RASA2: variants seen among roughly 807,000 people sequenced by gnomAD.
RASA2 encodes ras GTPase-activating protein 2.
In RASA2, 155 loss-of-function variants were observed where a neutral mutation model predicts 118.2. The ratio of observed to expected loss-of-function variants is 1.31; its 90% CI spans 1.15 to 1.50. RASA2 has a LOEUF of 1.50. RASA2 is among the 40% of genes most tolerant of loss of function. The pLI is 0.00. For missense variants in RASA2, 1,016 were observed against 1,009.6 expected, an observed-to-expected ratio of 1.01 and a Z score of -0.09; for synonymous variants, 353 against 349.1, an observed-to-expected ratio of 1.01 and a Z score of -0.12.
At chr3:141,554,098 T>C (rs1280634449) in intron 6 of RASA2, among the ~76,000 whole-genome samples, 158 bp downstream of exon 6, 5 of 152,200 alleles carry the variant, frequency 3.3e-5, no homozygotes, top group African/African-American at 7.2e-5. Flanking sequence ...ATTATACACT[T>C]GTCAATAACA....
At chr3:141,560,068 C>G in intron 9 of RASA2, 73 bp downstream of exon 9, 2 of 1,169,622 alleles carry the variant, frequency 1.7e-6, no homozygotes, top group Non-Finnish European at 2.4e-6. Context: ...CAAATAAATG[C>G]TTACTCTGAA....
At chr3:141,539,233 T>C (rs1031114885) in intron 4 of RASA2, among the ~76,000 whole-genome samples, 2 of 152,220 alleles carry the variant, frequency 1.3e-5, no homozygotes, top group Admixed American at 6.5e-5. Flanking sequence ...TTACAAATTA[T>C]ATATGATTTT....
intron 5 of RASA2, among the ~76,000 whole-genome samples, chr3:141,546,056 A>G (rs997560061): frequency 2.6e-5 from 4 of 152,102 alleles, no homozygotes; most frequent in African/African-American, 9.7e-5. Flanking sequence ...TGTGACTGAA[A>G]AGTACTCCAT....
At chr3:141,505,770 G>C (rs2081856269) in intron 1 of RASA2, among the ~76,000 whole-genome samples, 1 of 137,630 alleles carries the variant, frequency 7.3e-6, no homozygotes, top group African/African-American at 2.6e-5. Context: ...ACGTGTCTCT[G>C]TGTTTGTGTG....
Position 141,559,923 on chromosome 3 carries a change from T to G in RASA2, c.791T>G (p.Val264Gly). Residue 264 changes from valine to glycine, a missense_variant, in exon 9 of 24, where the codon GTC becomes GGC. By Grantham distance (109) the Val-to-Gly change is moderately radical (BLOSUM62 -3). Coordinates refer to ENST00000286364, the MANE Select transcript of RASA2 (RefSeq NM_006506.5). ...GACTTGTGGAACAATGGAAACCTAG[T>G]CCAAGATGTTTTCCTAGGTGAGATT... is the stretch of plus-strand genomic sequence containing the variant. ...RIDLWNNGNLVQDVFLGEIKV... is the reference protein window; with the variant it reads ...RIDLWNNGNLGQDVFLGEIKV... 1 of 1,613,304 alleles carries G rather than the reference T, an allele frequency of 6.2e-7. No homozygotes were observed. Among genetic ancestry groups the G allele is most frequent in the Non-Finnish European group, 8.5e-7 (1 of 1,179,432 alleles).
At chr3:141,519,327 A>G (rs1044140138) in intron 3 of RASA2, among the ~76,000 whole-genome samples, 2 of 152,132 alleles carry the variant, frequency 1.3e-5, no homozygotes, top group Non-Finnish European at 2.9e-5. Flanking sequence ...ACACATTATT[A>G]TTTTAATGTG....
At chr3:141,513,899 T>C (rs1398553099) in intron 2 of RASA2, among the ~76,000 whole-genome samples, 2 of 151,818 alleles carry the variant, frequency 1.3e-5, no homozygotes, top group African/African-American at 2.4e-5. Flanking sequence ...AAAGAAACTA[T>C]CATTTCAGAG....
At position 141,487,227 on chromosome 3, in the gene RASA2, G is replaced by T; in HGVS notation, c.133+11G>T. Reference sequence around the variant, plus strand: ...TGCGGGGCAAGATCTGTAAGCGGGGGCTGGGCTGAGGGGACGCCCTGGCGG... The same window carrying T: ...TGCGGGGCAAGATCTGTAAGCGGGGTCTGGGCTGAGGGGACGCCCTGGCGG... On this transcript the variant is annotated intron_variant, in intron 1 of 23. Coordinates refer to ENST00000286364, the MANE Select transcript of RASA2 (RefSeq NM_006506.5). 2.2e-6 allele frequency: 3 copies of T among 1,387,442 alleles called. No homozygotes were observed. The highest frequency in any genetic ancestry group is 3.0e-5 in the East Asian group (1 of 32,960). 85.9% of individuals were successfully genotyped at this position (1,387,442 alleles called of 1,614,324 possible).
Position 141,573,926 on chromosome 3 carries a change from C to T in RASA2, c.1360-18C>T. ...GTGAACATCAAAATCTTAATGTTTACCTTTTTAAATCCTGCAGGAGAATCT... is the reference window on the plus strand; with the variant it reads ...GTGAACATCAAAATCTTAATGTTTATCTTTTTAAATCCTGCAGGAGAATCT... On this transcript the variant is annotated intron_variant, in intron 13 of 23. Coordinates refer to ENST00000286364, the MANE Select transcript of RASA2 (RefSeq NM_006506.5). 6.4e-7 allele frequency: 1 copy of T among 1,557,508 alleles called. No homozygotes were observed. The highest frequency in any genetic ancestry group is 8.7e-7 in the Non-Finnish European group (1 of 1,150,228).
intron 19 of RASA2, among the ~76,000 whole-genome samples, chr3:141,590,899 C>T (rs1440014230): frequency 6.6e-6 from 1 of 152,152 alleles, no homozygotes; most frequent in African/African-American, 2.4e-5. Context: ...ATTTTTGAGG[C>T]CCCTTTAGGC....
chr3:141,535,457 AG>A (rs1299448958), intron 4 of RASA2, among the ~76,000 whole-genome samples: 1 of 152,216 alleles, frequency 6.6e-6, no homozygotes, highest in Non-Finnish European at 1.5e-5. Context: ...TTTAGACTTG[AG>A]AGGATTTTAA....
chr3:141,522,399 T>C (rs1335444118), intron 3 of RASA2, among the ~76,000 whole-genome samples: 1 of 152,116 alleles, frequency 6.6e-6, no homozygotes, highest in African/African-American at 2.4e-5. Flanking sequence ...CCTGAGCATT[T>C]TCCATATAGA....
chr3:141,611,939 C>T (rs1019090538), intron 23 of RASA2, among the ~76,000 whole-genome samples: 4 of 152,136 alleles, frequency 2.6e-5, no homozygotes, highest in Non-Finnish European at 5.9e-5. Context: ...CACTCATACC[C>T]ATACACACCA....
intron 9 of RASA2, among the ~76,000 whole-genome samples, chr3:141,569,969 C>A (rs2151128346): frequency 6.6e-6 from 1 of 152,044 alleles, no homozygotes; most frequent in South Asian, 2.1e-4. Context: ...TAATTTTTTT[C>A]TTTCTGTGAC....
At chr3:141,569,753 C>T (rs1443357718) in intron 9 of RASA2, among the ~76,000 whole-genome samples, 4 of 151,972 alleles carry the variant, frequency 2.6e-5, no homozygotes, top group South Asian at 2.1e-4. Flanking sequence ...AACAAAGTAC[C>T]GGATGGTTTT....
chr3:141,601,831 G>A (rs1021642616), intron 19 of RASA2, among the ~76,000 whole-genome samples: 11 of 151,988 alleles, frequency 7.2e-5, no homozygotes, highest in African/African-American at 1.9e-4. Flanking sequence ...TTGTCTCATG[G>A]ATCTCACTGA....
chr3:141,489,965 C>CTT (rs768242549), intron 1 of RASA2, among the ~76,000 whole-genome samples: 491 of 130,978 alleles, frequency 3.7e-3, no homozygotes, highest in African/African-American at 0.012. Flanking sequence ...CTTGAGTGTA[C>CTT]TTTTTTTTTT....
intron 1 of RASA2, among the ~76,000 whole-genome samples, chr3:141,501,200 G>C (rs1207882392): frequency 1.3e-5 from 2 of 152,188 alleles, no homozygotes; most frequent in African/African-American, 2.4e-5. Flanking sequence ...GAGATGTGGA[G>C]CTTGAGGTAT....
At chr3:141,612,204 C>A in intron 23 of RASA2, 79 bp from the exon 24 acceptor site, 1 of 1,089,116 alleles carries the variant, frequency 9.2e-7, no homozygotes, top group Non-Finnish European at 1.3e-6. Context: ...ATTCTAAATA[C>A]TTAATGGATT....
Sources: gnomAD v4.1 joint callset for allele counts (sites outside exome capture counted in the v4.1 genomes callset) on GRCh38, gnomAD v4.1.1 for gene constraint, MANE v1.5 for transcripts, NCBI Gene and HGNC (gene_info 2026-07-23, HGNC 2026-07-21) for gene names.